ENO4: variants seen among roughly 807,000 people sequenced by gnomAD.
ENO4 encodes the protein enolase 4.
ENO4 carries 53 observed loss-of-function variants against 63.2 expected under a neutral mutation model. The ratio of observed to expected loss-of-function variants is 0.84; its 90% CI spans 0.67 to 1.05. ENO4 has a LOEUF of 1.05. Among genes scored for constraint, ENO4 ranks in the 50% least tolerant of loss-of-function variants. The pLI is 0.00. For missense variants in ENO4, 719 were observed against 772.0 expected (o/e 0.93, Z 0.81); for synonymous variants, 266 against 283.8 (o/e 0.94, Z 0.63).
chr10:116,900,779 CAGG>C, intron 10 of ENO4: 1 of 985,002 alleles, frequency 1.0e-6, no homozygotes, highest in Non-Finnish European at 1.2e-6. Context: ...CACATGACTA[CAGG>C]AGAAAATGTG....
intron 9 of ENO4, among the ~76,000 whole-genome samples, chr10:116,873,057 G>T (rs565389401): frequency 6.6e-6 from 1 of 152,168 alleles, no homozygotes; most frequent in South Asian, 2.1e-4. Flanking sequence ...ACTAGAATGG[G>T]TATTTATTGC....
chr10:116,884,167 G>A (rs1239689639), downstream of ENO4: 1 of 454,442 alleles, frequency 2.2e-6, no homozygotes, highest in African/African-American at 2.0e-5. Flanking sequence ...ACGTATGTAA[G>A]TTTTGTGTGT....
intron 10 of ENO4, among the ~76,000 whole-genome samples, chr10:116,892,877 C>G (rs1169133678): frequency 6.6e-6 from 1 of 152,056 alleles, no homozygotes; most frequent in Non-Finnish European, 1.5e-5. Context: ...ACTGTGTAGA[C>G]TATTGAAAAA....
rs370396879 is a variant in ENO4, at chr10:116,899,506, G to GGTGTGTGTGTGTGTGT, written c.1195-11967_1195-11952dup. 2.3e-3 allele frequency among the ~76,000 whole-genome samples: 288 copies of GGTGTGTGTGTGTGTGT among 124,554 alleles called. 2 individuals carry two copies. Among genetic ancestry groups the GGTGTGTGTGTGTGTGT allele is most frequent in the African/African-American group, 8.0e-3 (274 of 34,158 alleles). 81.7% of individuals were successfully genotyped at this position (124,554 alleles called of 152,430 possible). ...AAGGGAAGTTAGAGTGGCTGGGGCT[G>GGTGTGTGTGTGTGTGT]GTGTGTGTGTGTGTGTGTGTGTGTG... On this transcript the variant is annotated intron_variant, in intron 10 of 10. Transcript: ENST00000369207.
At chr10:116,901,900 A>G in intron 10 of ENO4, 25 of 1,607,418 alleles carry the variant, frequency 1.6e-5, no homozygotes, top group Non-Finnish European at 2.1e-5. Context: ...TACACTGGAT[A>G]CAGAACCCAA....
chr10:116,850,655 G>A (rs773734525), intron 1 of ENO4, among the ~76,000 whole-genome samples: 1 of 152,024 alleles, frequency 6.6e-6, no homozygotes, highest in Non-Finnish European at 1.5e-5. Flanking sequence ...TATTGAGGCA[G>A]TTGATATAAA....
At chr10:116,904,005 G>A (rs758039687) in intron 10 of ENO4, among the ~76,000 whole-genome samples, 7 of 152,176 alleles carry the variant, frequency 4.6e-5, no homozygotes, top group Non-Finnish European at 7.4e-5. Context: ...AAATGCCTAA[G>A]AAAAATCCTA....
At chr10:116,869,951 T>C (rs962215604) in intron 8 of ENO4, among the ~76,000 whole-genome samples, 11 of 152,224 alleles carry the variant, frequency 7.2e-5, no homozygotes, top group African/African-American at 9.6e-5. Context: ...ATTTACTTTA[T>C]GTAATGTGCT....
At chr10:116,870,740 A>G (rs949964296) in intron 8 of ENO4, among the ~76,000 whole-genome samples, 2 of 152,182 alleles carry the variant, frequency 1.3e-5, no homozygotes, top group African/African-American at 4.8e-5. Flanking sequence ...GCAGGTTTGG[A>G]GGAAAAGGAC....
At position 116,881,629 on chromosome 10, in the gene ENO4, G is replaced by A; in HGVS notation, c.1838G>A (p.Gly613Asp). The change falls in exon 14 of 14, where the codon GGT (glycine) becomes GAT (aspartate). Residue 613 changes from glycine to aspartate, a missense_variant. This residue lies in a region of ENO4 where 168 missense variants were observed against 163.3 expected (regional missense o/e 1.03). Coordinates refer to ENST00000341276, the MANE Select transcript of ENO4 (RefSeq NM_001242699.2). ...CTGGTGCCCACCTTCCCCACACAAG[G>A]TGTAGAGGAATCAGCCGAAACAGGA... ...EPLVPTFPTQ[G>D]VEESAETGAS... The A allele has an allele frequency of 2.6e-6, 4 of 1,549,686 alleles. No individual in the cohort carries two copies. The highest frequency in any genetic ancestry group is 3.5e-6 in the Non-Finnish European group (4 of 1,146,554).
chr10:116,902,042 C>A, intron 10 of ENO4: 3 of 1,265,854 alleles, frequency 2.4e-6, no homozygotes, highest in Non-Finnish European at 1.1e-6. Context: ...AGCTGAAAAT[C>A]CCTCAAGAAG....
At chr10:116,903,543 C>A (rs1301202226) in intron 10 of ENO4, among the ~76,000 whole-genome samples, 1 of 152,116 alleles carries the variant, frequency 6.6e-6, no homozygotes. Context: ...AAAAAAAGGC[C>A]TTTTCCTCCC....
At chr10:116,853,426 G>A (rs1846150276) in intron 1 of ENO4, among the ~76,000 whole-genome samples, 1 of 151,976 alleles carries the variant, frequency 6.6e-6, no homozygotes, top group Non-Finnish European at 1.5e-5. Flanking sequence ...TTAGAGAGTT[G>A]AATGTAATGA....
chr10:116,901,605 G>A (rs755479362), intron 10 of ENO4: 166 of 985,154 alleles, frequency 1.7e-4, no homozygotes, highest in Non-Finnish European at 2.0e-4. Flanking sequence ...TCTTAGCTAG[G>A]AGCCTAGAAT....
Position 116,874,138 on chromosome 10 carries a change from G to A in ENO4, c.1278G>A (p.Leu426=). 1 of 1,550,022 alleles carries A rather than the reference G, an allele frequency of 6.5e-7. No individual in the cohort carries two copies. Among genetic ancestry groups the A allele is most frequent in the Non-Finnish European group, 8.7e-7 (1 of 1,146,400 alleles). ...AAAATGCAGCGGAGATGGTTGACCT[G>A]TATGTGGATCTGATCAACAAGTACC... ...TYKNAAEMVD[L]YVDLINKYPS... Residue 426 remains leucine (L), a synonymous_variant, in exon 10 of 14, where the codon CTG becomes CTA. Coordinates refer to ENST00000341276, the MANE Select transcript of ENO4 (RefSeq NM_001242699.2).
intron 12 of ENO4, 83 bp downstream of exon 12, chr10:116,879,441 A>C: frequency 5.8e-6 from 6 of 1,037,648 alleles, no homozygotes; most frequent in Non-Finnish European, 8.5e-6. Context: ...TCTGGTGGAG[A>C]AAGGCATGTA....
chr10:116,889,195 C>T (rs1210588653), intron 10 of ENO4, among the ~76,000 whole-genome samples: 1 of 152,160 alleles, frequency 6.6e-6, no homozygotes, highest in Non-Finnish European at 1.5e-5. Context: ...TCTTCATCAG[C>T]TCAGGGCTAA....
At chr10:116,903,504 G>A (rs1019253893) in intron 10 of ENO4, among the ~76,000 whole-genome samples, 5 of 151,890 alleles carry the variant, frequency 3.3e-5, no homozygotes, top group Non-Finnish European at 5.9e-5. Context: ...CAGCCTGGGC[G>A]ACAAGAGAGA....
intron 10 of ENO4, among the ~76,000 whole-genome samples, chr10:116,904,085 C>T (rs1226794681): frequency 1.3e-5 from 2 of 152,226 alleles, no homozygotes; most frequent in Non-Finnish European, 2.9e-5. Flanking sequence ...GCTCTGCAAA[C>T]TCTCAGGCTG....
Sources: gnomAD v4.1 joint callset for allele counts (sites outside exome capture counted in the v4.1 genomes callset) on GRCh38, gnomAD v4.1.1 for gene constraint, gnomAD v4.1.1 regional missense constraint, MANE v1.5 for transcripts, NCBI Gene and HGNC (gene_info 2026-07-23, HGNC 2026-07-21) for gene names.